The following ZNF440 variants were observed in gnomAD, a reference collection of about 807,000 sequenced individuals.
ZNF440 encodes the protein zinc finger protein 440.
In ZNF440, 47 loss-of-function variants were observed where a neutral mutation model predicts 49.7. That is an observed-to-expected ratio of 0.95 (90% CI 0.75 to 1.21). The LOEUF is 1.21. ZNF440 is among the 50% of genes most tolerant of loss of function. The pLI is 0.00. For synonymous variants in ZNF440, 255 were observed against 237.7 expected (o/e 1.07, Z -0.67); for missense variants, 703 against 715.0 (o/e 0.98, Z 0.19).
At chr19:11,821,705 C>T (rs1237713556) in intron 1 of ZNF440, among the ~76,000 whole-genome samples, 2 of 152,216 alleles carry the variant, frequency 1.3e-5, no homozygotes, top group African/African-American at 4.8e-5. Flanking sequence ...TCAGACATCA[C>T]TGTGTTCCAG....
At position 11,822,475 on chromosome 19, in the gene ZNF440, C is replaced by G. The variant is rs146280157; in HGVS notation, c.4-7808C>G. ...ATTCTCCTGTAGATAACCATTTGTCCCTGCTTTTTCTGTTAAGTGTTCACC... is the reference window on the plus strand; with the variant it reads ...ATTCTCCTGTAGATAACCATTTGTCGCTGCTTTTTCTGTTAAGTGTTCACC... On this transcript the variant is annotated intron_variant, in intron 1 of 3. Coordinates refer to ENST00000304060, the MANE Select transcript of ZNF440 (RefSeq NM_152357.3). Among the ~76,000 whole-genome samples, 25 of 152,160 alleles carry G rather than the reference C, an allele frequency of 1.6e-4. No individual in the cohort carries two copies. In the East Asian group the frequency reaches 2.5e-3, roughly 15 times the overall value.
chr19:11,818,145 A>T (rs1225085004), intron 1 of ZNF440, among the ~76,000 whole-genome samples: 2 of 152,142 alleles, frequency 1.3e-5, no homozygotes, highest in African/African-American at 4.8e-5. Flanking sequence ...GTGGAGGTGC[A>T]GTGAGCCGTG....
chr19:11,831,401 AG>A lies in ZNF440; in HGVS notation c.226del (p.Asp76MetfsTer17). 6.2e-7 allele frequency: 1 copy of A among 1,609,780 alleles called. No homozygotes were observed. The highest frequency in any genetic ancestry group is 8.5e-7 in the Non-Finnish European group (1 of 1,179,042). On this transcript the variant is annotated frameshift_variant, in exon 4 of 4. Coordinates refer to ENST00000304060, the MANE Select transcript of ZNF440 (RefSeq NM_152357.3). LOFTEE classifies it high-confidence loss of function. The stretch of plus-strand genomic sequence containing the variant: ...TAGAAGAAAAAGTCAATGAAATTAA[AG>A]ATGACAGTCATTGTGGAGAAACTTT... ...LIEEKVNEIKDDSHCGETFTP... is the reference protein window; with the variant it reads ...LIEEKVNEIKXDSHCGETFTP...
chr19:11,832,947 G>C lies in ZNF440; in HGVS notation c.1771G>C (p.Gly591Arg), dbSNP rs200800492. 4.4e-6 allele frequency: 7 copies of C among 1,608,756 alleles called. No individual in the cohort carries two copies. The African/African-American group carries it at 8.0e-5, about 18-fold the overall frequency. Reference protein sequence around the residue: ...DLPRTFEFMKGHKHT With the variant: ...DLPRTFEFMKRHKHT The stretch of plus-strand genomic sequence containing the variant: ...GCCCAGAACCTTCGAATTCATGAAA[G>C]GACACAAACACACATAATGCACTCT... The change falls in exon 4 of 4, where the codon GGA (glycine) becomes CGA (arginine). Residue 591 changes from glycine (G) to arginine (R), a missense_variant. Gly to Arg is a moderately radical substitution (Grantham distance 125). Transcript: ENST00000304060.
In ZNF440 at chr19:11,831,404, T is replaced by A. The variant is rs754614884; in HGVS notation, c.228T>A (p.Asp76Glu). The change falls in exon 4 of 4, where the codon GAT becomes GAA. Residue 76 changes from aspartate (D) to glutamate (E), a missense_variant. Coordinates refer to ENST00000304060, the MANE Select transcript of ZNF440 (RefSeq NM_152357.3). ...LIEEKVNEIK[D>E]DSHCGETFTP... Reference sequence around the variant, plus strand: ...AAGAAAAAGTCAATGAAATTAAAGATGACAGTCATTGTGGAGAAACTTTTA... The same window carrying A: ...AAGAAAAAGTCAATGAAATTAAAGAAGACAGTCATTGTGGAGAAACTTTTA... 2.1e-5 allele frequency: 34 copies of A among 1,610,832 alleles called. No individual in the cohort carries two copies. The highest frequency in any genetic ancestry group is 1.1e-4 in the African/African-American group (8 of 74,638).
rs939803309 is a variant in ZNF440, at chr19:11,833,149, C to T, written c.*185C>T. 21 of 1,322,972 alleles carry T rather than the reference C, an allele frequency of 1.6e-5. No individual in the cohort carries two copies. Among genetic ancestry groups the T allele is most frequent in the African/African-American group, 7.5e-5 (5 of 67,036 alleles). The allele number at this position is 1,322,972 out of a possible 1,614,324, so 82.0% of individuals were successfully genotyped here. A position where few individuals can be genotyped will look rare whatever the true frequency, so the allele number is the denominator to read the frequency against. ...ATGAAAGGACTCACACTGGAGAGAA[C>T]CCCTATGAGTGTAAGCAATTTGGGA... is the stretch of plus-strand genomic sequence containing the variant. On this transcript the variant is annotated 3_prime_UTR_variant, in exon 4 of 4. Coordinates refer to ENST00000304060, the MANE Select transcript of ZNF440 (RefSeq NM_152357.3).
At chr19:11,827,268 TAGTC>T (rs76877710) in intron 1 of ZNF440, among the ~76,000 whole-genome samples, 57,204 of 151,480 alleles carry the variant, frequency 0.38, 11,167 homozygotes, top group African/African-American at 0.46. Context: ...TTCACCATGT[TAGTC>T]AGGCTGGTCT....
intron 1 of ZNF440, among the ~76,000 whole-genome samples, chr19:11,823,491 A>C (rs1479226504): frequency 6.6e-6 from 1 of 152,186 alleles, no homozygotes; most frequent in Non-Finnish European, 1.5e-5. Context: ...ACTAAAATAT[A>C]ACTGTAGTCA....
At chr19:11,824,072 A>C (rs559167124) in intron 1 of ZNF440, among the ~76,000 whole-genome samples, 1 of 151,962 alleles carries the variant, frequency 6.6e-6, no homozygotes, top group South Asian at 2.1e-4. Context: ...CGTCCCAGCT[A>C]CTCAGGAGGC....
rs181934923 is a variant in ZNF440, at chr19:11,835,103, C to T, written c.*2139C>T. ...CCTTAGGGCCGAGTGCGGTGGCTCACGCCTATAATCCCAGCACTTTGGGAG... is the reference window on the plus strand; with the variant it reads ...CCTTAGGGCCGAGTGCGGTGGCTCATGCCTATAATCCCAGCACTTTGGGAG... On this transcript the variant is annotated 3_prime_UTR_variant, in exon 4 of 4. Transcript: ENST00000304060. 6.0e-3 allele frequency: 908 copies of T among 152,240 alleles called. 4 individuals carry two copies. Among genetic ancestry groups the T allele is most frequent in the Non-Finnish European group, 9.6e-3 (655 of 68,078 alleles). The allele number at this position is 152,240 out of a possible 1,614,324, so 9.4% of individuals were successfully genotyped here.
At position 11,831,358 on chromosome 19, in the gene ZNF440, T is replaced by G. The variant is rs772295661; in HGVS notation, c.192-10T>G. ...CAAACCCTTCATAATATGCTTCTCA[T>G]TTTTGACAGGAGTCTCATAGAAGAA... On this transcript the variant is annotated splice_polypyrimidine_tract_variant and intron_variant, in intron 3 of 3. Coordinates refer to ENST00000304060, the MANE Select transcript of ZNF440 (RefSeq NM_152357.3). The G allele has an allele frequency of 3.8e-6, 6 of 1,598,192 alleles. No individual in the cohort carries two copies. The highest frequency in any genetic ancestry group is 4.3e-6 in the Non-Finnish European group (5 of 1,176,338).
At position 11,833,711 on chromosome 19, in the gene ZNF440, T is replaced by C; in HGVS notation, c.*747T>C. ...TTTCTTCTAGTTCCCTTCAATATCATGAAAGGACTCACACTGGAGAGAAGC... is the reference window on the plus strand; with the variant it reads ...TTTCTTCTAGTTCCCTTCAATATCACGAAAGGACTCACACTGGAGAGAAGC... On this transcript the variant is annotated 3_prime_UTR_variant, in exon 4 of 4. Coordinates refer to ENST00000304060, the MANE Select transcript of ZNF440 (RefSeq NM_152357.3). The C allele has an allele frequency of 1.5e-6, 1 of 683,590 alleles. No individual in the cohort carries two copies. Among genetic ancestry groups the C allele is most frequent in the Non-Finnish European group, 2.3e-6 (1 of 436,286 alleles). The allele number at this position is 683,590 out of a possible 1,614,324, so 42.3% of individuals were successfully genotyped here.
chr19:11,832,861 T>G lies in ZNF440; in HGVS notation c.1685T>G (p.Val562Gly). 2.5e-6 allele frequency: 4 copies of G among 1,612,020 alleles called. No homozygotes were observed. Among genetic ancestry groups the G allele is most frequent in the Non-Finnish European group, 3.4e-6 (4 of 1,178,828 alleles). ...SDLPHTFEYV[V>G]GHTMERSPMH... Reference sequence around the variant, plus strand: ...CTGCCCCACACCTTTGAATACGTGGTAGGACACACAATGGAGAGAAGCCCT... The same window carrying G: ...CTGCCCCACACCTTTGAATACGTGGGAGGACACACAATGGAGAGAAGCCCT... The change falls in exon 4 of 4, where the codon GTA (valine) becomes GGA (glycine). Residue 562 changes from valine (V) to glycine (G), a missense_variant. Physicochemically the swap from Val to Gly is moderately radical, Grantham distance 109. Transcript: ENST00000304060.
intron 1 of ZNF440, among the ~76,000 whole-genome samples, chr19:11,826,470 A>G (rs1054366352): frequency 1.3e-5 from 2 of 152,168 alleles, no homozygotes; most frequent in Non-Finnish European, 2.9e-5. Context: ...CTGAATCAGT[A>G]AGACCATGCC....
At chr19:11,815,327 A>ACACACACACAC (rs1568237561) in intron 1 of ZNF440, among the ~76,000 whole-genome samples, 9 of 68,280 alleles carry the variant, frequency 1.3e-4, no homozygotes, top group African/African-American at 5.1e-4. Context: ...CACACACACA[A>ACACACACACAC]ATTAAATAGG....
chr19:11,830,939 TATC>T, intron 3 of ZNF440, among the ~76,000 whole-genome samples: 1 of 152,202 alleles, frequency 6.6e-6, no homozygotes, highest in Non-Finnish European at 1.5e-5. Flanking sequence ...CGAGACCACA[TATC>T]AACAACAGCA....
rs138342575 is a variant in ZNF440, at chr19:11,833,642, G to A, written c.*678G>A. The A allele has an allele frequency of 2.7e-3, 941 of 354,018 alleles. 11 individuals are homozygous for A. The highest frequency in any genetic ancestry group is 0.019 in the African/African-American group (886 of 45,808). The allele number at this position is 354,018 out of a possible 1,614,324, so 21.9% of individuals were successfully genotyped here. On this transcript the variant is annotated 3_prime_UTR_variant, in exon 4 of 4. Transcript: ENST00000304060. Reference sequence around the variant, plus strand: ...TTCAATATCATGAAAGGACTCACATGGGAGAGAAACCCTATGAGTGTATGC... The same window carrying A: ...TTCAATATCATGAAAGGACTCACATAGGAGAGAAACCCTATGAGTGTATGC...
At position 11,832,901 on chromosome 19, in the gene ZNF440, T is replaced by C. The variant is rs1421023423; in HGVS notation, c.1725T>C (p.Asn575=). The part of the protein sequence containing the change: ...TMERSPMHVR[N]VGNPSDLPRT... ...AGAGAAGCCCTATGCATGTAAGGAA[T>C]GTGGGAAACCCTTCGGATCTGCCCA... Residue 575 remains asparagine, a synonymous_variant, in exon 4 of 4, where the codon AAT becomes AAC. Transcript: ENST00000304060. The C allele has an allele frequency of 1.9e-6, 3 of 1,612,416 alleles. No individual in the cohort carries two copies. Among genetic ancestry groups the C allele is most frequent in the Non-Finnish European group, 2.5e-6 (3 of 1,179,328 alleles).
At chr19:11,819,729 G>A (rs1277070377) in intron 1 of ZNF440, among the ~76,000 whole-genome samples, 1 of 152,164 alleles carries the variant, frequency 6.6e-6, no homozygotes, top group East Asian at 1.9e-4. Flanking sequence ...GCCTATATAG[G>A]TAGAAGATTT....
Sources: allele counts gnomAD v4.1 joint callset (sites outside exome capture counted in the v4.1 genomes callset), GRCh38; gene constraint gnomAD v4.1.1; transcripts MANE v1.5; gene names NCBI Gene and HGNC (gene_info 2026-07-23, HGNC 2026-07-21).